CHRNA1: variants seen among roughly 807,000 people sequenced by gnomAD.
CHRNA1 encodes the protein cholinergic receptor nicotinic alpha 1 subunit.
Under a neutral mutation model 47.1 loss-of-function variants are expected in CHRNA1, and 35 were observed. The observed-to-expected ratio is 0.74, with a 90% CI of 0.57 to 0.99. The LOEUF is 0.99. Among genes scored for constraint, CHRNA1 ranks in the 50% least tolerant of loss-of-function variants. The probability of loss-of-function intolerance (pLI) is 0.00; values close to 1 mark genes in which losing one functional copy is unlikely to be tolerated. For missense variants in CHRNA1, 506 were observed against 591.1 expected (o/e 0.86, Z 1.49); for synonymous variants, 229 against 223.6 (o/e 1.02, Z -0.22).
At position 174,763,441 on chromosome 2, in the gene CHRNA1, A is replaced by G. The variant is rs112584082; in HGVS notation, c.43+911T>C. On this transcript the variant is annotated intron_variant, in intron 1 of 8. Transcript: ENST00000348749. Reference sequence around the variant, plus strand: ...TTAGGCTCTTTCACTCAACTCTGATATTGAAAAAAATTAATAATAAAGCTT... The same window carrying G: ...TTAGGCTCTTTCACTCAACTCTGATGTTGAAAAAAATTAATAATAAAGCTT... 4.1e-3 allele frequency among the ~76,000 whole-genome samples: 619 copies of G among 152,288 alleles called. 6 individuals carry two copies. Among genetic ancestry groups the G allele is most frequent in the African/African-American group, 0.014 (593 of 41,546 alleles).
At position 174,748,166 on chromosome 2, in the gene CHRNA1, G is replaced by A. The variant is rs771587252; in HGVS notation, c.1332C>T (p.Ala444=). Reference sequence around the variant, plus strand: ...ATTCAATGAGTCGACCTGCAAACACGGCTAGGGTTCCGATGATGCAAACAA... The same window carrying A: ...ATTCAATGAGTCGACCTGCAAACACAGCTAGGGTTCCGATGATGCAAACAA... ...FMLVCIIGTL[A]VFAGRLIELN... Residue 444 remains alanine (A), a synonymous_variant, in exon 9 of 9, where the codon GCC becomes GCT. Coordinates refer to ENST00000348749, the MANE Select transcript of CHRNA1 (RefSeq NM_000079.4). 8.1e-6 allele frequency: 13 copies of A among 1,613,982 alleles called. No homozygotes were observed. The highest frequency in any genetic ancestry group is 1.7e-5 in the Admixed American group (1 of 60,002).
At chr2:174,754,462 C>CA in intron 4 of CHRNA1, 48 bp from the exon 5 acceptor site, 2 of 1,540,004 alleles carry the variant, frequency 1.3e-6, no homozygotes, top group Non-Finnish European at 9.0e-7. Context: ...ACAGATGAGC[C>CA]TTCCATTCTG....
chr2:174,751,170 A>C (rs2105346141), intron 6 of CHRNA1, among the ~76,000 whole-genome samples: 1 of 152,284 alleles, frequency 6.6e-6, no homozygotes, highest in South Asian at 2.1e-4. Flanking sequence ...CTAAGGGAGC[A>C]GGGATTTCCC....
At chr2:174,752,330 G>A (rs1683870642) in intron 6 of CHRNA1, among the ~76,000 whole-genome samples, 1 of 150,706 alleles carries the variant, frequency 6.6e-6, no homozygotes, top group Non-Finnish European at 1.5e-5. Context: ...CAGCACTTTG[G>A]GAGGCCGAGG....
At chr2:174,752,556 T>G (rs906587660) in intron 6 of CHRNA1, among the ~76,000 whole-genome samples, 1 of 152,086 alleles carries the variant, frequency 6.6e-6, no homozygotes, top group African/African-American at 2.4e-5. Flanking sequence ...GGCAACAGAG[T>G]GAGACCCGGT....
chr2:174,764,318 G>A lies in CHRNA1; in HGVS notation c.43+34C>T, dbSNP rs371152840. The A allele has an allele frequency of 1.4e-4, 226 of 1,607,398 alleles. 1 individual carries two copies. The highest frequency in any genetic ancestry group is 1.8e-4 in the Non-Finnish European group (207 of 1,176,458). On this transcript the variant is annotated intron_variant, in intron 1 of 8. Coordinates refer to ENST00000348749, the MANE Select transcript of CHRNA1 (RefSeq NM_000079.4). ...CCTCCAGCACTTTAGCCTCAAAGGA[G>A]AGCCCTCTCCCCACCCCTGACCCCA...
chr2:174,756,730 G>A (rs1683986354), intron 4 of CHRNA1, among the ~76,000 whole-genome samples: 1 of 152,150 alleles, frequency 6.6e-6, no homozygotes, highest in African/African-American at 2.4e-5. Flanking sequence ...ATCAAAGCTT[G>A]AAAAGGCCCG....
rs1201936705 is a variant in CHRNA1, at chr2:174,753,868, G to A, written c.541-128C>T. 6 of 882,702 alleles carry A rather than the reference G, an allele frequency of 6.8e-6. No individual in the cohort carries two copies. The East Asian group carries it at 7.8e-5, about 12-fold the overall frequency. 54.7% of individuals were successfully genotyped at this position (882,702 alleles called of 1,614,324 possible). On this transcript the variant is annotated intron_variant, in intron 5 of 8. Transcript: ENST00000348749. ...GTCACACACCCAGGAGGGACTGTGG[G>A]ACACTACTGCTTTGGGGTCTTAGAT...
Position 174,748,007 on chromosome 2 carries a change from G to C in CHRNA1, c.*117C>G, listed in dbSNP as rs938877918. The C allele has an allele frequency of 7.8e-7, 1 of 1,275,496 alleles. No individual in the cohort carries two copies. The highest frequency in any genetic ancestry group is 1.5e-5 in the African/African-American group (1 of 68,236). The allele number at this position is 1,275,496 out of a possible 1,614,324, so 79.0% of individuals were successfully genotyped here. ...AGGTAAATCTTATCATCAATAATAA[G>C]TATGGAATATAACACGTTTGATAAG... On this transcript the variant is annotated 3_prime_UTR_variant, in exon 9 of 9. Transcript: ENST00000348749.
In CHRNA1 at chr2:174,754,558, A is replaced by G. The variant is rs540799574; in HGVS notation, c.345-144T>C. The G allele has an allele frequency of 6.9e-6, 5 of 725,760 alleles. No individual in the cohort carries two copies. In the East Asian group the frequency reaches 1.1e-4, roughly 16 times the overall value. The allele number at this position is 725,760 out of a possible 1,614,324, so 45.0% of individuals were successfully genotyped here. Reference sequence around the variant, plus strand: ...TTTCGGGCAGCGTCACTTTTTATCTATTGCAATGTTCCCCATATTTGATAA... The same window carrying G: ...TTTCGGGCAGCGTCACTTTTTATCTGTTGCAATGTTCCCCATATTTGATAA... On this transcript the variant is annotated intron_variant, in intron 4 of 8. Coordinates refer to ENST00000348749, the MANE Select transcript of CHRNA1 (RefSeq NM_000079.4).
intron 7 of CHRNA1, 90 bp downstream of exon 7, chr2:174,749,856 C>G: frequency 1.7e-6 from 2 of 1,159,134 alleles, no homozygotes; most frequent in Non-Finnish European, 2.6e-6. Flanking sequence ...CTAAATAGCC[C>G]CAAGTATTAG....
In CHRNA1 at chr2:174,759,541, G is replaced by C. The variant is rs550657234; in HGVS notation, c.136C>G (p.Arg46Gly). 2.5e-6 allele frequency: 4 copies of C among 1,614,052 alleles called. No individual in the cohort carries two copies. The African/African-American group carries it at 4.0e-5, about 16-fold the overall frequency. The change falls in exon 2 of 9, where the codon CGC (arginine) becomes GGC (glycine). Residue 46 changes from arginine to glycine, a missense_variant. Transcript: ENST00000348749. ...SSVVRPVEDH[R>G]QVVEVTVGLQ... The stretch of plus-strand genomic sequence containing the variant: ...CCCACGGTGACCTCCACGACCTGGC[G>C]GTGGTCTTCCACTGGCCGCACCACG...
chr2:174,757,174 C>A (rs1050847897), intron 4 of CHRNA1, among the ~76,000 whole-genome samples: 3 of 152,242 alleles, frequency 2.0e-5, no homozygotes, highest in Admixed American at 6.5e-5. Flanking sequence ...TGGAAAGTTG[C>A]CACACATGCT....
At chr2:174,752,757 T>G (rs1683882546) in intron 6 of CHRNA1, 1 of 151,270 alleles carries the variant, frequency 6.6e-6, no homozygotes, top group African/African-American at 2.4e-5. Flanking sequence ...TTTTGTGGTT[T>G]TTTTTTTTTT....
chr2:174,752,048 G>A (rs112482736), intron 6 of CHRNA1, among the ~76,000 whole-genome samples: 3,980 of 151,856 alleles, frequency 0.026, 169 homozygotes, highest in African/African-American at 0.091. Context: ...ATAATGCCCC[G>A]ACAGTGTTTT....
chr2:174,757,130 G>A lies in CHRNA1; in HGVS notation c.344+436C>T, dbSNP rs1458433394. ...TATTTGGTAGGGAAGACACTAGATT[G>A]CAAGGAATTCAGCGATAGGACGTTT... On this transcript the variant is annotated intron_variant, in intron 4 of 8. Transcript: ENST00000348749. 4.6e-5 allele frequency among the ~76,000 whole-genome samples: 7 copies of A among 152,068 alleles called. 1 individual carries two copies. The highest frequency in any genetic ancestry group is 4.6e-4 in the Admixed American group (7 of 15,276).
chr2:174,759,247 TTACCCATATTG>T, intron 3 of CHRNA1, 73 bp downstream of exon 3: 1 of 1,334,024 alleles, frequency 7.5e-7, no homozygotes, highest in Non-Finnish European at 1.1e-6. Flanking sequence ...TATATCCCTG[TTACCCATATTG>T]ATTTCCTCTG....
chr2:174,749,683 C>T lies in CHRNA1; in HGVS notation c.1002+263G>A, dbSNP rs1402534703. 4.6e-5 allele frequency among the ~76,000 whole-genome samples: 7 copies of T among 152,354 alleles called. No individual in the cohort carries two copies. In the East Asian group the frequency reaches 1.2e-3, roughly 25 times the overall value. ...CAATAAAAAGCAGCCGTTTGTTCAT[C>T]TTCTCTGATCAAAGAGATTCTTTAA... On this transcript the variant is annotated intron_variant, in intron 7 of 8. Coordinates refer to ENST00000348749, the MANE Select transcript of CHRNA1 (RefSeq NM_000079.4).
At chr2:174,751,371 C>T (rs1407951630) in intron 6 of CHRNA1, among the ~76,000 whole-genome samples, 2 of 152,104 alleles carry the variant, frequency 1.3e-5, no homozygotes. Context: ...TGCTGGAAAC[C>T]CTTGTGTTAC....
Sources: gnomAD v4.1 joint callset for allele counts (sites outside exome capture counted in the v4.1 genomes callset) on GRCh38, gnomAD v4.1.1 for gene constraint, MANE v1.5 for transcripts, NCBI Gene and HGNC (gene_info 2026-07-23, HGNC 2026-07-21) for gene names.